The following TLN2 variants were observed in gnomAD, a reference collection of about 807,000 sequenced individuals.
TLN2 encodes talin-2.
Under a neutral mutation model 294.7 loss-of-function variants are expected in TLN2, and 118 were observed. The observed-to-expected ratio is 0.40, with a 90% confidence interval of 0.34 to 0.47. TLN2 has a LOEUF of 0.47. TLN2 is among the 20% of genes least tolerant of loss of function. TLN2 has a pLI of 0.84. For missense variants in TLN2, 3,083 were observed against 3,282.2 expected (o/e 0.94, Z 1.48); for synonymous variants, 1,431 against 1,304.5 (o/e 1.10, Z -2.09).
At position 62,443,072 on chromosome 15, in the gene TLN2, C is replaced by T. The variant is rs533698761; in HGVS notation, c.-238+52387C>T. ...ACCTTTGTGATTACACGAGGTGCAC[C>T]TGGATAATCCAGACTAATCTCCCCA... On this transcript the variant is annotated intron_variant, in intron 1 of 58. Transcript: ENST00000636159. Among the ~76,000 whole-genome samples, 25 of 151,648 alleles carry T rather than the reference C, an allele frequency of 1.6e-4. No homozygotes were observed. The South Asian group carries it at 4.8e-3, about 29-fold the overall frequency.
chr15:62,814,659 G>A (rs1161174875), intron 52 of TLN2, among the ~76,000 whole-genome samples: 1 of 152,012 alleles, frequency 6.6e-6, no homozygotes, highest in Non-Finnish European at 1.5e-5. Flanking sequence ...TAAAAATATA[G>A]GCCGAAAACA....
intron 11 of TLN2, among the ~76,000 whole-genome samples, chr15:62,683,766 T>TC (rs2057060076): frequency 6.6e-6 from 1 of 152,182 alleles, no homozygotes. Flanking sequence ...TAGCCTGCTT[T>TC]GTCTACTGGA....
chr15:62,603,187 C>G (rs556538082), intron 2 of TLN2, among the ~76,000 whole-genome samples: 1 of 152,150 alleles, frequency 6.6e-6, no homozygotes, highest in African/African-American at 2.4e-5. Flanking sequence ...CCACCGCGCC[C>G]GGCCGAGGCG....
chr15:62,765,506 T>C (rs138395834), intron 40 of TLN2, among the ~76,000 whole-genome samples: 49 of 152,286 alleles, frequency 3.2e-4, no homozygotes, highest in Non-Finnish European at 6.8e-4. Flanking sequence ...CTCAATTCCA[T>C]GCTGGTGTGT....
chr15:62,771,365 C>A (rs2063341619), intron 42 of TLN2, among the ~76,000 whole-genome samples: 1 of 152,070 alleles, frequency 6.6e-6, no homozygotes, highest in Admixed American at 6.5e-5. Context: ...GACAAGTGTC[C>A]TTGGGGAAGA....
intron 1 of TLN2, among the ~76,000 whole-genome samples, chr15:62,482,123 G>T (rs1273532685): frequency 6.6e-6 from 1 of 151,988 alleles, no homozygotes; most frequent in Non-Finnish European, 1.5e-5. Flanking sequence ...GCAGATTATT[G>T]TTATATAAAA....
At chr15:62,516,172 C>T (rs1455717987) in intron 1 of TLN2, among the ~76,000 whole-genome samples, 1 of 152,142 alleles carries the variant, frequency 6.6e-6, no homozygotes, top group East Asian at 1.9e-4. Flanking sequence ...CTGCCGTTTC[C>T]GTTGCAGCTT....
rs565130817 is a variant in TLN2, at chr15:62,576,819, G to A, written c.-237-12868G>A. Among the ~76,000 whole-genome samples, 54 of 152,170 alleles carry A rather than the reference G, an allele frequency of 3.5e-4. No homozygotes were observed. In the South Asian group the frequency reaches 9.6e-3, roughly 27 times the overall value. On this transcript the variant is annotated intron_variant, in intron 1 of 58. Coordinates refer to ENST00000636159, the MANE Select transcript of TLN2 (RefSeq NM_015059.3). ...CTAGAGGAGCTGATTCTGGAAATCC[G>A]AGGGAAACACTGAGAACATAAATAG... is the stretch of plus-strand genomic sequence containing the variant.
chr15:62,412,432 G>T (rs139736009), intron 1 of TLN2, among the ~76,000 whole-genome samples: 1 of 152,168 alleles, frequency 6.6e-6, no homozygotes, highest in African/African-American at 2.4e-5. Context: ...ATCTCTGATG[G>T]CAGGGTGCTA....
In TLN2 at chr15:62,717,663, C is replaced by A; in HGVS notation, c.2851C>A (p.Gln951Lys). 1 of 1,600,050 alleles carries A rather than the reference C, an allele frequency of 6.2e-7. No individual in the cohort carries two copies. The change falls in exon 24 of 59, where the codon CAG becomes AAG. Residue 951 changes from glutamine (Q) to lysine (K), a missense_variant. Transcript: ENST00000636159. ...TGTTTCCAACAAGAACCCTGCGGCC[C>A]AGCAGCAGCTGGTCCAGAGTTGCAA... is the stretch of plus-strand genomic sequence containing the variant. Reference protein sequence around the residue: ...AAVSNKNPAAQQQLVQSCKAV... With the variant: ...AAVSNKNPAAKQQLVQSCKAV...
intron 3 of TLN2, chr15:62,640,092 C>T (rs2050841247): frequency 2.2e-6 from 1 of 450,448 alleles, no homozygotes; most frequent in African/African-American, 2.0e-5. Flanking sequence ...AGGTGGAGGG[C>T]AAGACCCTGG....
At position 62,451,524 on chromosome 15, in the gene TLN2, G is replaced by A. The variant is rs186364490; in HGVS notation, c.-238+60839G>A. 9.2e-5 allele frequency among the ~76,000 whole-genome samples: 14 copies of A among 152,338 alleles called. No individual in the cohort carries two copies. In the East Asian group the frequency reaches 1.9e-3, roughly 21 times the overall value. ...TACAAAAAATTAGCTAGGCATGGTG[G>A]TGCGTGCCTGTAGTCCCAGTTACTC... On this transcript the variant is annotated intron_variant, in intron 1 of 58. Coordinates refer to ENST00000636159, the MANE Select transcript of TLN2 (RefSeq NM_015059.3).
At chr15:62,456,478 G>C (rs186456197) in intron 1 of TLN2, among the ~76,000 whole-genome samples, 188 of 152,286 alleles carry the variant, frequency 1.2e-3, no homozygotes, top group South Asian at 2.5e-3. Context: ...AGGCGACTTT[G>C]AATTTGACAC....
At chr15:62,555,608 T>C (rs1440579448) in intron 1 of TLN2, among the ~76,000 whole-genome samples, 7 of 152,226 alleles carry the variant, frequency 4.6e-5, no homozygotes, top group African/African-American at 1.7e-4. Context: ...TTTGTCTCTT[T>C]TTCTGGTAGT....
intron 1 of TLN2, among the ~76,000 whole-genome samples, chr15:62,546,609 A>G (rs530250384): frequency 2.0e-5 from 3 of 152,322 alleles, no homozygotes; most frequent in African/African-American, 7.2e-5. Flanking sequence ...CAAGGACAGC[A>G]TAGAGAGCCC....
chr15:62,729,443 A>G (rs748692738), intron 28 of TLN2, among the ~76,000 whole-genome samples: 1 of 152,170 alleles, frequency 6.6e-6, no homozygotes, highest in African/African-American at 2.4e-5. Context: ...CATTGAATCA[A>G]TTTGGGGAGA....
At chr15:62,707,290 A>G (rs369184186) in intron 20 of TLN2, 37 bp downstream of exon 20, 10 of 1,566,568 alleles carry the variant, frequency 6.4e-6, no homozygotes, top group Admixed American at 5.4e-5. Flanking sequence ...TCTACCCAGT[A>G]TCACCTGCTG....
chr15:62,607,747 G>T (rs1342137696), intron 2 of TLN2, among the ~76,000 whole-genome samples: 1 of 151,870 alleles, frequency 6.6e-6, no homozygotes, highest in Non-Finnish European at 1.5e-5. Flanking sequence ...TTTTGTGTGT[G>T]TGTGCACAAG....
chr15:62,537,329 T>C (rs1419357238), intron 1 of TLN2, among the ~76,000 whole-genome samples: 3 of 152,194 alleles, frequency 2.0e-5, no homozygotes, highest in Non-Finnish European at 4.4e-5. Context: ...ATTGTAGTTT[T>C]TAAAAGGCGT....
Sources: gnomAD v4.1 joint callset for allele counts (sites outside exome capture counted in the v4.1 genomes callset) on GRCh38, gnomAD v4.1.1 for gene constraint, MANE v1.5 for transcripts, NCBI Gene and HGNC (gene_info 2026-07-23, HGNC 2026-07-21) for gene names.